IRAG1: variants seen among roughly 807,000 people sequenced by gnomAD.
IRAG1 encodes the protein IP3R-associated cGMP kinase substrate.
A neutral mutation model predicts 106.2 loss-of-function variants in IRAG1; 62 were observed. The ratio of observed to expected loss-of-function variants is 0.58; its 90% CI spans 0.48 to 0.72. The LOEUF (loss-of-function observed/expected upper bound fraction) is 0.72, where lower values mean the gene tolerates loss of function less well. Among genes scored for constraint, IRAG1 ranks in the 30% least tolerant of loss-of-function variants. IRAG1 has a pLI of 0.00. For synonymous variants in IRAG1, 462 were observed against 443.9 expected, an observed-to-expected ratio of 1.04 and a Z score of -0.51; for missense variants, 1,064 against 1,140.7, an observed-to-expected ratio of 0.93 and a Z score of 0.97.
chr11:10,594,092 G>A, intron 16 of IRAG1, 54 bp downstream of exon 16: 2 of 1,504,506 alleles, frequency 1.3e-6, no homozygotes, highest in Non-Finnish European at 1.8e-6. Context: ...GGTGACCATG[G>A]AAACTTCTGT....
At chr11:10,654,214 C>T (rs1858744464) in intron 1 of IRAG1, among the ~76,000 whole-genome samples, 1 of 146,198 alleles carries the variant, frequency 6.8e-6, no homozygotes, top group African/African-American at 2.5e-5. Context: ...CCTGAGCTGC[C>T]ATCAGCCCAG....
Position 10,693,677 on chromosome 11 carries a change from C to A in IRAG1, c.-75G>T, listed in dbSNP as rs1234166361. On this transcript the variant is annotated 5_prime_UTR_variant, in exon 1 of 21. In the 5' UTR this introduces an upstream ATG that the reference lacks. Coordinates refer to ENST00000423302, the MANE Select transcript of IRAG1 (RefSeq NM_130385.4). ...TGGCTGCAGAACCTCGGCCGCACGC[C>A]TCCTCTGAGAGGGGCTGGGACTTAG... 1.3e-6 allele frequency: 2 copies of A among 1,494,296 alleles called. No homozygotes were observed. The highest frequency in any genetic ancestry group is 9.0e-7 in the Non-Finnish European group (1 of 1,112,018). The allele number at this position is 1,494,296 out of a possible 1,614,324, so 92.6% of individuals were successfully genotyped here.
chr11:10,632,105 A>G, intron 3 of IRAG1, 44 bp from the exon 4 acceptor site: 1 of 1,392,536 alleles, frequency 7.2e-7, no homozygotes, highest in Non-Finnish European at 1.0e-6. Flanking sequence ...TCAATCCACA[A>G]CTTGAAAATA....
chr11:10,632,163 TTTG>T, intron 3 of IRAG1, 102 bp from the exon 4 acceptor site: 1 of 817,452 alleles, frequency 1.2e-6, no homozygotes, highest in African/African-American at 1.8e-5. Flanking sequence ...TCTTTCTTTC[TTTG>T]TTTCCTTCTT....
intron 14 of IRAG1, among the ~76,000 whole-genome samples, chr11:10,602,371 G>A (rs1202852559): frequency 2.6e-5 from 4 of 152,222 alleles, no homozygotes; most frequent in Non-Finnish European, 4.4e-5. Flanking sequence ...GGCAGATACT[G>A]TGACCATCCT....
At position 10,659,502 on chromosome 11, in the gene IRAG1, C is replaced by T. The variant is rs1048958671; in HGVS notation, c.68-7320G>A. On this transcript the variant is annotated intron_variant, in intron 1 of 20. Coordinates refer to ENST00000423302, the MANE Select transcript of IRAG1 (RefSeq NM_130385.4). This position sits in a 1 kb window ranked among gnomAD's most constrained non-coding sequence, Gnocchi z 4.1. ...TTCGGGAGGCTGGCCCTGAGAACCC[C>T]GACAATCCTGGGGTTTGCACCTCTG... Among the ~76,000 whole-genome samples, 5 of 152,078 alleles carry T rather than the reference C, an allele frequency of 3.3e-5. No homozygotes were observed. The highest frequency in any genetic ancestry group is 6.5e-5 in the Admixed American group (1 of 15,278).
intron 1 of IRAG1, among the ~76,000 whole-genome samples, chr11:10,691,732 C>T (rs985621858): frequency 2.0e-5 from 3 of 152,092 alleles, no homozygotes; most frequent in South Asian, 2.1e-4. Flanking sequence ...TGAAATCCCT[C>T]GTGGAAAGCC....
At chr11:10,605,960 TACTC>T (rs1435393403) in intron 12 of IRAG1, among the ~76,000 whole-genome samples, 1 of 152,246 alleles carries the variant, frequency 6.6e-6, no homozygotes, top group Non-Finnish European at 1.5e-5. Flanking sequence ...TGTGGTTATT[TACTC>T]ACTCAGTTTT....
chr11:10,614,376 T>A (rs1414367921), intron 10 of IRAG1, among the ~76,000 whole-genome samples: 2 of 152,218 alleles, frequency 1.3e-5, no homozygotes, highest in Non-Finnish European at 2.9e-5. Context: ...TACCTCATAA[T>A]TTATAGATTT....
At chr11:10,639,868 C>T (rs1857396586) in intron 2 of IRAG1, among the ~76,000 whole-genome samples, 1 of 152,282 alleles carries the variant, frequency 6.6e-6, no homozygotes, top group Middle Eastern at 3.4e-3. Context: ...TTCTGTTTGG[C>T]GTCCAAGAAA....
At chr11:10,622,831 T>C (rs1027920223) in intron 10 of IRAG1, among the ~76,000 whole-genome samples, 2 of 145,314 alleles carry the variant, frequency 1.4e-5, no homozygotes, top group Admixed American at 7.0e-5. Flanking sequence ...ATTCAACAAA[T>C]ACCTATGCAG....
rs764630376 is a variant in IRAG1 at position 10,623,765 on chromosome 11, C to T, written c.1447+13G>A. On this transcript the variant is annotated intron_variant, in intron 10 of 20. Coordinates refer to ENST00000423302, the MANE Select transcript of IRAG1 (RefSeq NM_130385.4). ...GCACTCGCTGAGACAGCATCTGCCC[C>T]AACCCCACCTACCTTTTTCCTGCTC... 4 of 1,613,736 alleles carry T rather than the reference C, an allele frequency of 2.5e-6. No individual in the cohort carries two copies. The highest frequency in any genetic ancestry group is 2.5e-6 in the Non-Finnish European group (3 of 1,179,672).
intron 1 of IRAG1, among the ~76,000 whole-genome samples, chr11:10,682,018 G>A (rs1231046408): frequency 6.6e-6 from 1 of 152,152 alleles, no homozygotes; most frequent in East Asian, 1.9e-4. Context: ...AGGGCAATAT[G>A]GCCTTGGCTC....
chr11:10,580,612 T>A (rs1851290104), intron 19 of IRAG1, 23 bp from the exon 20 acceptor site: 1 of 1,611,146 alleles, frequency 6.2e-7, no homozygotes, highest in Non-Finnish European at 8.5e-7. Context: ...AAGGAACAGT[T>A]GAGTCTGGAA....
chr11:10,644,821 G>A (rs995610346), intron 2 of IRAG1, among the ~76,000 whole-genome samples: 1 of 152,176 alleles, frequency 6.6e-6, no homozygotes, highest in Non-Finnish European at 1.5e-5. Context: ...GCAGCACACG[G>A]TTCCCAAGGA....
chr11:10,604,748 G>A (rs1231946656), intron 12 of IRAG1, among the ~76,000 whole-genome samples: 1 of 152,214 alleles, frequency 6.6e-6, no homozygotes, highest in Non-Finnish European at 1.5e-5. Flanking sequence ...TCCACGCTAG[G>A]CCCTTCCCAG....
At chr11:10,666,679 G>A (rs2135065256) in intron 1 of IRAG1, among the ~76,000 whole-genome samples, 1 of 152,352 alleles carries the variant, frequency 6.6e-6, no homozygotes, top group Non-Finnish European at 1.5e-5. Context: ...AACGGGTTAA[G>A]CTGAGTCATT....
At chr11:10,604,574 G>A in intron 12 of IRAG1, 29 bp from the exon 13 acceptor site, 1 of 1,613,800 alleles carries the variant, frequency 6.2e-7, no homozygotes. Flanking sequence ...TGAGAGAGGT[G>A]CTGGGAGGAG....
At chr11:10,633,282 A>T (rs192286151) in intron 3 of IRAG1, among the ~76,000 whole-genome samples, 3 of 152,084 alleles carry the variant, frequency 2.0e-5, no homozygotes, top group Non-Finnish European at 2.9e-5. Flanking sequence ...TCACTGTGTT[A>T]GCCAGGATGG....
Sources: gnomAD v4.1 joint callset for allele counts (sites outside exome capture counted in the v4.1 genomes callset) on GRCh38, gnomAD v4.1.1 for gene constraint, Gnocchi (gnomAD v3.1) non-coding constraint, MANE v1.5 for transcripts, NCBI Gene and HGNC (gene_info 2026-07-23, HGNC 2026-07-21) for gene names.